Variants in KYAT1 observed in about 807,000 individuals in gnomAD.
KYAT1 encodes the protein kynurenine aminotransferase 1.
A neutral mutation model predicts 52.4 loss-of-function variants in KYAT1; 47 were observed. The ratio of observed to expected loss-of-function variants is 0.90; its 90% CI spans 0.71 to 1.14. KYAT1 has a LOEUF of 1.14. KYAT1 is among the 50% of genes most tolerant of loss of function. The pLI is 0.00. For synonymous variants in KYAT1, 212 were observed against 209.6 expected, an observed-to-expected ratio of 1.01 and a Z score of -0.10; for missense variants, 480 against 557.9, an observed-to-expected ratio of 0.86 and a Z score of 1.41.
chr9:128,847,349 G>A lies in KYAT1; in HGVS notation c.-6-1938C>T, dbSNP rs1833261002. 4.6e-6 allele frequency: 4 copies of A among 874,586 alleles called. No individual in the cohort carries two copies. The South Asian group carries it at 6.4e-5, about 14-fold the overall frequency. 54.2% of individuals were successfully genotyped at this position (874,586 alleles called of 1,614,324 possible). ...GGGCTCCCTGAAAGAGAAGGCTCAT[G>A]CACAGCTTTGAAGCCAGGAACGAGC... is the stretch of plus-strand genomic sequence containing the variant. On this transcript the variant is annotated intron_variant, in intron 1 of 12. Transcript: ENST00000302586.
chr9:128,836,563 T>G (rs574264708), intron 7 of KYAT1, among the ~76,000 whole-genome samples: 4 of 152,258 alleles, frequency 2.6e-5, no homozygotes, highest in Admixed American at 2.0e-4. Context: ...CCTCCCAAAG[T>G]GCTGGGATTA....
chr9:128,864,086 G>T (rs138188680), intron 1 of KYAT1, among the ~76,000 whole-genome samples: 1 of 152,106 alleles, frequency 6.6e-6, no homozygotes, highest in East Asian at 1.9e-4. Flanking sequence ...TTTCAGGCCG[G>T]GCGCGGTGGC....
intron 1 of KYAT1, among the ~76,000 whole-genome samples, chr9:128,881,119 C>G (rs1205864209): frequency 6.6e-6 from 1 of 152,078 alleles, no homozygotes; most frequent in Non-Finnish European, 1.5e-5. Flanking sequence ...CTCGCTCTGT[C>G]GCCCAGGCTG....
chr9:128,833,819 A>C lies in KYAT1; in HGVS notation c.1130T>G (p.Val377Gly). The C allele has an allele frequency of 6.2e-7, 1 of 1,613,960 alleles. No individual in the cohort carries two copies. The highest frequency in any genetic ancestry group is 8.5e-7 in the Non-Finnish European group (1 of 1,179,794). Residue 377 changes from valine to glycine, a missense_variant, in exon 12 of 13, where the codon GTG becomes GGG. By Grantham distance (109) the Val-to-Gly change is moderately radical. Coordinates refer to ENST00000302586, the MANE Select transcript of KYAT1 (RefSeq NM_004059.5). ...VKWMIKNKGL[V>G]AIPVSIFYSV... ...ATAGAAGATGGAGACAGGGATGGCC[A>C]CCAAGCCCTGGGGAGGAGGAAGGAC...
At chr9:128,841,282 A>G (rs1483360078) in intron 3 of KYAT1, among the ~76,000 whole-genome samples, 1 of 152,188 alleles carries the variant, frequency 6.6e-6, no homozygotes, top group East Asian at 1.9e-4. Context: ...AGGCAGGCGA[A>G]TCACGAGGTC....
At chr9:128,839,351 A>C (rs561941150) in intron 3 of KYAT1, among the ~76,000 whole-genome samples, 1 of 152,254 alleles carries the variant, frequency 6.6e-6, no homozygotes, top group South Asian at 2.1e-4. Context: ...ACAGTCAGGA[A>C]CCTCATGTTG....
intron 1 of KYAT1, among the ~76,000 whole-genome samples, chr9:128,846,199 C>A (rs1454869025): frequency 6.6e-6 from 1 of 152,158 alleles, no homozygotes; most frequent in Non-Finnish European, 1.5e-5. Context: ...GAGGCTGAGG[C>A]GGGCAGATCA....
At chr9:128,868,138 A>C (rs1836675771) in intron 1 of KYAT1, among the ~76,000 whole-genome samples, 1 of 151,646 alleles carries the variant, frequency 6.6e-6, no homozygotes, top group Non-Finnish European at 1.5e-5. Flanking sequence ...CATGGAATAA[A>C]ATTGAGAGCC....
intron 1 of KYAT1, among the ~76,000 whole-genome samples, chr9:128,851,250 A>G (rs529884808): frequency 2.6e-5 from 4 of 152,228 alleles, no homozygotes; most frequent in East Asian, 1.9e-4. Context: ...CTGACGCCCA[A>G]TATGGGGCCT....
At chr9:128,849,883 C>CTT (rs537211110) in intron 1 of KYAT1, among the ~76,000 whole-genome samples, 1,060 of 91,922 alleles carry the variant, frequency 0.012, 30 homozygotes, top group Non-Finnish European at 0.014. Flanking sequence ...TTATTTTCTT[C>CTT]TTTTTTTTTT....
intron 1 of KYAT1, among the ~76,000 whole-genome samples, chr9:128,880,247 C>T (rs1270999967): frequency 1.3e-5 from 2 of 152,098 alleles, no homozygotes; most frequent in African/African-American, 4.8e-5. Flanking sequence ...TGGGCTCTGA[C>T]CTTCAACGTT....
Position 128,836,822 on chromosome 9 carries a change from C to T in KYAT1, c.668G>A (p.Gly223Glu). The change falls in exon 7 of 13, where the codon GGG becomes GAG. Residue 223 changes from glycine to glutamate, a missense_variant. By Grantham distance (98) the Gly-to-Glu change is moderately conservative. Transcript: ENST00000302586. ...CTCACCAATGCTGATGTGCTGGTGC[C>T]CGTCGTAGACCATCCACTGGTAGAC... ...DEVYQWMVYD[G>E]HQHISIASLP... The T allele has an allele frequency of 3.7e-6, 6 of 1,613,814 alleles. No homozygotes were observed. The highest frequency in any genetic ancestry group is 5.1e-6 in the Non-Finnish European group (6 of 1,179,928).
In KYAT1 at chr9:128,836,682, C is replaced by T. The variant is rs1831181447; in HGVS notation, c.688+120G>A. The T allele has an allele frequency of 4.2e-6, 5 of 1,185,206 alleles. No individual in the cohort carries two copies. In the East Asian group the frequency reaches 1.2e-4, roughly 28 times the overall value. 73.4% of individuals were successfully genotyped at this position (1,185,206 alleles called of 1,614,324 possible). Reference sequence around the variant, plus strand: ...TGTGTACTCTGGGAGGCAAAGGTCACAGGATCTGCAGGGCTCCATAACCCT... The same window carrying T: ...TGTGTACTCTGGGAGGCAAAGGTCATAGGATCTGCAGGGCTCCATAACCCT... On this transcript the variant is annotated intron_variant, in intron 7 of 12. Coordinates refer to ENST00000302586, the MANE Select transcript of KYAT1 (RefSeq NM_004059.5).
chr9:128,844,452 G>A lies in KYAT1; in HGVS notation c.53+901C>T, dbSNP rs576739494. ...TCCCAGTACTTTGGGAGGCTGAGGC[G>A]GGTGGATCACGAGGTCAGGAGTTCG... On this transcript the variant is annotated intron_variant, in intron 2 of 12. Coordinates refer to ENST00000302586, the MANE Select transcript of KYAT1 (RefSeq NM_004059.5). 5.0e-4 allele frequency among the ~76,000 whole-genome samples: 76 copies of A among 151,770 alleles called. No individual in the cohort carries two copies. In the South Asian group the frequency reaches 7.1e-3, roughly 14 times the overall value.
intron 1 of KYAT1, among the ~76,000 whole-genome samples, chr9:128,876,034 C>A (rs1837979536): frequency 6.6e-6 from 1 of 152,152 alleles, no homozygotes. Flanking sequence ...TGGACAAAGT[C>A]CAAAGCCTCC....
Position 128,833,395 on chromosome 9 carries a change from C to G in KYAT1, c.*189G>C, listed in dbSNP as rs1830446744. The G allele has an allele frequency of 3.1e-6, 2 of 654,430 alleles. No individual in the cohort carries two copies. The highest frequency in any genetic ancestry group is 2.7e-6 in the Non-Finnish European group (1 of 375,586). 40.5% of individuals were successfully genotyped at this position (654,430 alleles called of 1,614,324 possible). On this transcript the variant is annotated 3_prime_UTR_variant, in exon 13 of 13. Coordinates refer to ENST00000302586, the MANE Select transcript of KYAT1 (RefSeq NM_004059.5). The stretch of plus-strand genomic sequence containing the variant: ...GGTCAGGCCACCCTCACCTTTCAGA[C>G]AGGAGGCACTTGGTTCTCTAAGATG...
intron 1 of KYAT1, among the ~76,000 whole-genome samples, chr9:128,873,671 T>C (rs548544810): frequency 6.6e-6 from 1 of 151,774 alleles, no homozygotes; most frequent in African/African-American, 2.4e-5. Flanking sequence ...TCCCAGCTAC[T>C]TGGGAGGCTG....
At chr9:128,854,935 G>C (rs528706938) in intron 1 of KYAT1, among the ~76,000 whole-genome samples, 2 of 152,176 alleles carry the variant, frequency 1.3e-5, no homozygotes, top group African/African-American at 4.8e-5. Context: ...TTGGTTGGTA[G>C]AAGTATCTAC....
At chr9:128,858,214 C>T (rs140751616) in intron 1 of KYAT1, among the ~76,000 whole-genome samples, 26 of 145,986 alleles carry the variant, frequency 1.8e-4, no homozygotes, top group Middle Eastern at 3.8e-3. Context: ...CTGGCCAACA[C>T]GACAAAACCC....
Sources: gnomAD v4.1 joint callset for allele counts (sites outside exome capture counted in the v4.1 genomes callset) on GRCh38, gnomAD v4.1.1 for gene constraint, MANE v1.5 for transcripts, NCBI Gene and HGNC (gene_info 2026-07-23, HGNC 2026-07-21) for gene names.